Variants in CELF2 observed in about 807,000 individuals in gnomAD.
CELF2 encodes CUGBP Elav-like family member 2.
Under a neutral mutation model 62.6 loss-of-function variants are expected in CELF2, and 8 were observed. That is an observed-to-expected ratio of 0.13 (90% CI 0.07 to 0.23). The LOEUF (loss-of-function observed/expected upper bound fraction) is 0.23. Ranked by LOEUF, CELF2 falls within the 10% of genes least tolerant of loss-of-function variation. The pLI, the probability that CELF2 is intolerant of heterozygous loss-of-function variation, is 1.00. For missense variants in CELF2, 333 were observed against 671.0 expected (o/e 0.50, Z 5.56); for synonymous variants, 258 against 250.0 (o/e 1.03, Z -0.30).
chr10:10,809,030 C>T (rs2055551434), intron 1 of CELF2, among the ~76,000 whole-genome samples: 2 of 152,108 alleles, frequency 1.3e-5, no homozygotes, highest in Non-Finnish European at 2.9e-5. Context: ...GGCCCTAACC[C>T]CCAATGTGGT....
chr10:10,590,033 C>T, the CELF2 span, among the ~76,000 whole-genome samples: 6 of 152,280 alleles, frequency 3.9e-5, no homozygotes, highest in South Asian at 1.2e-3. Context: ...CCGGGGTGCT[C>T]AGGAATCCTT....
chr10:10,876,813 A>T (rs1010738359), intron 1 of CELF2, among the ~76,000 whole-genome samples: 9 of 152,226 alleles, frequency 5.9e-5, no homozygotes, highest in African/African-American at 2.2e-4. Context: ...TTCAGATATA[A>T]ATTAAGAGAC....
At chr10:11,108,074 C>A (rs1184380276) in intron 1 of CELF2, among the ~76,000 whole-genome samples, 1 of 99,762 alleles carries the variant, frequency 1.0e-5, no homozygotes, top group Non-Finnish European at 2.0e-5. Context: ...CCTCCCTCTC[C>A]CCACTCCCTT....
intron 1 of CELF2, among the ~76,000 whole-genome samples, chr10:10,865,837 T>G (rs959599221): frequency 3.3e-5 from 5 of 152,192 alleles, no homozygotes; most frequent in African/African-American, 1.2e-4. Context: ...TTTTTTTTTT[T>G]GAAGTGTGAA....
chr10:10,845,179 T>C (rs1299098270), intron 1 of CELF2, among the ~76,000 whole-genome samples: 3 of 152,106 alleles, frequency 2.0e-5, no homozygotes, highest in African/African-American at 4.8e-5. Flanking sequence ...CTTGCTTGAG[T>C]ATTCAGTGTC....
At chr10:10,625,031 A>G in the CELF2 span, among the ~76,000 whole-genome samples, 1 of 152,248 alleles carries the variant, frequency 6.6e-6, no homozygotes, top group African/African-American at 2.4e-5. Flanking sequence ...GTTTACCAAC[A>G]AAATTAAATG....
the CELF2 span, among the ~76,000 whole-genome samples, chr10:10,654,380 C>A: frequency 1.5e-4 from 16 of 109,428 alleles, 6 homozygotes; most frequent in Non-Finnish European, 2.2e-4. Context: ...AGGCCAGCAT[C>A]ATTCTGATAC....
At chr10:10,937,226 G>A (rs998329242) in intron 2 of CELF2, among the ~76,000 whole-genome samples, 2 of 147,290 alleles carry the variant, frequency 1.4e-5, no homozygotes, top group Non-Finnish European at 3.0e-5. Context: ...CCGCCTCCCA[G>A]GTTCAAGCGA....
the CELF2 span, among the ~76,000 whole-genome samples, chr10:10,649,781 G>A: frequency 2.6e-5 from 4 of 152,162 alleles, no homozygotes; most frequent in Non-Finnish European, 4.4e-5. Flanking sequence ...AAGGACCCGC[G>A]TGTAGTGTAG....
the CELF2 span, among the ~76,000 whole-genome samples, chr10:10,728,495 C>G: frequency 6.8e-6 from 1 of 146,146 alleles, no homozygotes; most frequent in Non-Finnish European, 1.5e-5. Flanking sequence ...AAAATGCAAG[C>G]AAAGAAACAG....
At chr10:10,491,327 T>A in the CELF2 span, among the ~76,000 whole-genome samples, 4 of 152,222 alleles carry the variant, frequency 2.6e-5, no homozygotes, top group Non-Finnish European at 4.4e-5. Flanking sequence ...TATACTTGTT[T>A]GCATAGCATA....
intron 2 of CELF2, among the ~76,000 whole-genome samples, chr10:10,939,677 G>A (rs538152823): frequency 9.9e-5 from 15 of 152,138 alleles, no homozygotes; most frequent in South Asian, 6.2e-4. Context: ...AAGCCAGGCC[G>A]GGCGCGGTGG....
At chr10:10,904,197 G>A (rs1037419734) in intron 1 of CELF2, among the ~76,000 whole-genome samples, 15 of 151,316 alleles carry the variant, frequency 9.9e-5, no homozygotes, top group African/African-American at 1.7e-4. Context: ...TTTTTATCAC[G>A]CAATATGCCT....
chr10:11,265,000 G>T (rs923102492), intron 5 of CELF2, among the ~76,000 whole-genome samples: 2 of 152,218 alleles, frequency 1.3e-5, no homozygotes, highest in Non-Finnish European at 2.9e-5. Context: ...AACAAAAAAT[G>T]CATTGACTTA....
At position 11,329,855 on chromosome 10, in the gene CELF2, C is replaced by T. The variant is rs1223529545; in HGVS notation, c.*802C>T. On this transcript the variant is annotated 3_prime_UTR_variant, in exon 13 of 13. Transcript: ENST00000633077. The surrounding 1 kb of genome is among the most constrained non-coding windows in gnomAD (Gnocchi z 5.5). Reference sequence around the variant, plus strand: ...ATAATAATAAATAAATACATAAATACATAAATAAAAAAGAAAGCCACAGGC... The same window carrying T: ...ATAATAATAAATAAATACATAAATATATAAATAAAAAAGAAAGCCACAGGC... The T allele has an allele frequency of 6.6e-6, 1 of 151,876 alleles. No individual in the cohort carries two copies. The highest frequency in any genetic ancestry group is 1.5e-5 in the Non-Finnish European group (1 of 67,936). The allele number at this position is 151,876 out of a possible 1,614,324, so 9.4% of individuals were successfully genotyped here. A position where few individuals can be genotyped will look rare whatever the true frequency, so the allele number is the denominator to read the frequency against.
At chr10:11,063,251 T>TCC (rs1286840910) in intron 1 of CELF2, among the ~76,000 whole-genome samples, 8 of 152,204 alleles carry the variant, frequency 5.3e-5, no homozygotes, top group African/African-American at 1.7e-4. Context: ...TATGTCAGTA[T>TCC]TTAGGAACAT....
chr10:10,961,306 T>C (rs766219318), intron 2 of CELF2, among the ~76,000 whole-genome samples: 3 of 152,200 alleles, frequency 2.0e-5, no homozygotes, highest in African/African-American at 4.8e-5. Context: ...GTTTGTGATA[T>C]TGACTTCCTG....
intron 1 of CELF2, among the ~76,000 whole-genome samples, chr10:10,856,581 TA>T (rs1286289201): frequency 6.6e-6 from 1 of 152,208 alleles, no homozygotes; most frequent in Non-Finnish European, 1.5e-5. Flanking sequence ...CATTGCATAA[TA>T]TTTTTTACTT....
chr10:11,307,532 G>A (rs1591204204), intron 9 of CELF2, among the ~76,000 whole-genome samples: 1 of 152,186 alleles, frequency 6.6e-6, no homozygotes, highest in East Asian at 1.9e-4. Flanking sequence ...AACTGATGAT[G>A]ATCTAAAAAT....
Sources: gnomAD v4.1 joint callset for allele counts (sites outside exome capture counted in the v4.1 genomes callset) on GRCh38, gnomAD v4.1.1 for gene constraint, Gnocchi (gnomAD v3.1) non-coding constraint, MANE v1.5 for transcripts, NCBI Gene and HGNC (gene_info 2026-07-23, HGNC 2026-07-21) for gene names.